The following RNF144A variants were observed in gnomAD, a reference collection of about 807,000 sequenced individuals.
The protein encoded by RNF144A is ring finger protein 144A.
A neutral mutation model predicts 38.7 loss-of-function variants in RNF144A; 11 were observed. That is an observed-to-expected ratio of 0.28 (90% confidence interval 0.18 to 0.47). The LOEUF (loss-of-function observed/expected upper bound fraction) is 0.47, where lower values mean the gene tolerates loss of function less well. Among genes scored for constraint, RNF144A ranks in the 20% least tolerant of loss-of-function variants. The pLI is 0.99. For synonymous variants in RNF144A, 149 were observed against 143.9 expected (o/e 1.04, Z -0.25); for missense variants, 316 against 377.2 (o/e 0.84, Z 1.34).
chr2:7,041,619 G>A lies in RNF144A; in HGVS notation c.*1859G>A. 8 of 985,776 alleles carry A rather than the reference G, an allele frequency of 8.1e-6. No individual in the cohort carries two copies. Among genetic ancestry groups the A allele is most frequent in the Non-Finnish European group, 9.6e-6 (8 of 829,986 alleles). The allele number at this position is 985,776 out of a possible 1,614,324, so 61.1% of individuals were successfully genotyped here. ...GTGGCAACTCCACGCGGGAGTCATT[G>A]GCTGGGCTTGAGCCCTCAGCCTGTG... On this transcript the variant is annotated 3_prime_UTR_variant, in exon 9 of 9. Coordinates refer to ENST00000320892, the MANE Select transcript of RNF144A (RefSeq NM_014746.6).
At chr2:6,977,078 G>T (rs12618219) in intron 2 of RNF144A, among the ~76,000 whole-genome samples, 2 of 152,058 alleles carry the variant, frequency 1.3e-5, no homozygotes, top group African/African-American at 2.4e-5. Context: ...TAAATATTAC[G>T]CATTGCCTCT....
intron 6 of RNF144A, among the ~76,000 whole-genome samples, chr2:7,066,849 G>A (rs1674251994): frequency 6.6e-6 from 1 of 152,170 alleles, no homozygotes; most frequent in African/African-American, 2.4e-5. Context: ...AAATCCCTAA[G>A]TATTTCAGAA....
intron 2 of RNF144A, among the ~76,000 whole-genome samples, chr2:6,953,049 A>G (rs1272262394): frequency 2.0e-5 from 3 of 152,034 alleles, no homozygotes; most frequent in Non-Finnish European, 2.9e-5. Context: ...TTTGGGCTAT[A>G]GTTGCTTTTC....
At chr2:6,940,628 A>T (rs1246547672) in intron 1 of RNF144A, among the ~76,000 whole-genome samples, 1 of 151,852 alleles carries the variant, frequency 6.6e-6, no homozygotes, top group Non-Finnish European at 1.5e-5. Context: ...GTGGACTTGC[A>T]CCTCTCTCTA....
At chr2:7,061,571 T>C (rs183304493) in intron 6 of RNF144A, among the ~76,000 whole-genome samples, 11 of 152,334 alleles carry the variant, frequency 7.2e-5, no homozygotes, top group African/African-American at 2.4e-4. Flanking sequence ...CACACATTTC[T>C]ACGGGCCATG....
At chr2:7,006,833 A>T (rs1670473903) in intron 3 of RNF144A, among the ~76,000 whole-genome samples, 1 of 152,034 alleles carries the variant, frequency 6.6e-6, no homozygotes, top group South Asian at 2.1e-4. Flanking sequence ...CCCTTCCCAA[A>T]ACACAGGTCC....
chr2:7,049,186 G>T (rs565525979), intron 6 of RNF144A, among the ~76,000 whole-genome samples: 114 of 152,324 alleles, frequency 7.5e-4, no homozygotes, highest in Middle Eastern at 3.4e-3. Flanking sequence ...GGCTGTTGGG[G>T]GATGGGCTGG....
At chr2:7,013,585 T>C (rs1195092684) in intron 3 of RNF144A, among the ~76,000 whole-genome samples, 1 of 152,232 alleles carries the variant, frequency 6.6e-6, no homozygotes, top group Non-Finnish European at 1.5e-5. Context: ...CTATGCTCTT[T>C]GAGTTCTTAT....
intron 6 of RNF144A, among the ~76,000 whole-genome samples, chr2:7,053,733 T>C (rs1673617307): frequency 6.6e-6 from 1 of 152,236 alleles, no homozygotes; most frequent in African/African-American, 2.4e-5. Flanking sequence ...ATGGATATGC[T>C]TTGGTTAAGA....
intron 6 of RNF144A, among the ~76,000 whole-genome samples, chr2:7,057,524 C>T (rs961020415): frequency 2.0e-5 from 3 of 152,200 alleles, no homozygotes; most frequent in African/African-American, 7.2e-5. Flanking sequence ...AATGCACTCC[C>T]TTCTCTGATT....
intron 8 of RNF144A, among the ~76,000 whole-genome samples, chr2:7,037,582 C>A (rs1455878743): frequency 6.6e-6 from 1 of 152,234 alleles, no homozygotes; most frequent in African/African-American, 2.4e-5. Context: ...GCCAGCTGGG[C>A]AGCAGGCATG....
At chr2:6,922,626 C>CTT (rs1209204554) in intron 1 of RNF144A, among the ~76,000 whole-genome samples, 5 of 136,936 alleles carry the variant, frequency 3.7e-5, no homozygotes, top group South Asian at 2.4e-4. Context: ...TCTTGTTTTT[C>CTT]TTTTTTTTTT....
intron 3 of RNF144A, among the ~76,000 whole-genome samples, chr2:7,002,707 T>G (rs1294960654): frequency 6.6e-6 from 1 of 152,236 alleles, no homozygotes; most frequent in Admixed American, 6.5e-5. Context: ...AAATGCATTC[T>G]GCCTAGTATT....
chr2:6,961,992 A>G (rs774995419), intron 2 of RNF144A, among the ~76,000 whole-genome samples: 2 of 152,242 alleles, frequency 1.3e-5, no homozygotes, highest in Non-Finnish European at 2.9e-5. Flanking sequence ...GAGAACAAGG[A>G]CACGGACATA....
At chr2:7,038,350 C>T (rs747790385) in intron 8 of RNF144A, among the ~76,000 whole-genome samples, 12 of 152,146 alleles carry the variant, frequency 7.9e-5, no homozygotes, top group East Asian at 1.9e-4. Flanking sequence ...ACTCACATGG[C>T]GGGGGTGTGT....
chr2:6,958,363 C>T lies in RNF144A; in HGVS notation c.-12+17216C>T, dbSNP rs774511393. ...GGCAAGCCTTCCTTGCTTTCCTCCC[C>T]GACACCCAGGTGACCACCCAGTTTG... On this transcript the variant is annotated intron_variant, in intron 2 of 8. Coordinates refer to ENST00000320892, the MANE Select transcript of RNF144A (RefSeq NM_014746.6). The surrounding 1 kb of genome is among the most constrained non-coding windows in gnomAD (Gnocchi z 4.5). 1.2e-4 allele frequency among the ~76,000 whole-genome samples: 19 copies of T among 152,198 alleles called. No homozygotes were observed. The highest frequency in any genetic ancestry group is 4.3e-4 in the African/African-American group (18 of 41,434).
chr2:6,953,017 GTCT>G (rs771080554), intron 2 of RNF144A, among the ~76,000 whole-genome samples: 1 of 151,956 alleles, frequency 6.6e-6, no homozygotes, highest in Non-Finnish European at 1.5e-5. Flanking sequence ...TTTGTTACAG[GTCT>G]TCTTTTGCTC....
intron 8 of RNF144A, 76 bp downstream of exon 8, chr2:7,030,291 G>C (rs1445807038): frequency 1.1e-6 from 1 of 878,416 alleles, no homozygotes; most frequent in East Asian, 2.6e-5. Flanking sequence ...GTGTGTGTGT[G>C]TGTGTGTGTG....
chr2:6,966,719 G>A (rs556403810), intron 2 of RNF144A, among the ~76,000 whole-genome samples: 2 of 152,316 alleles, frequency 1.3e-5, no homozygotes, highest in South Asian at 2.1e-4. Context: ...GTCCTGAAGC[G>A]ACTTCAACTT....
Sources: gnomAD v4.1 joint callset for allele counts (sites outside exome capture counted in the v4.1 genomes callset) on GRCh38, gnomAD v4.1.1 for gene constraint, Gnocchi (gnomAD v3.1) non-coding constraint, MANE v1.5 for transcripts, NCBI Gene and HGNC (gene_info 2026-07-23, HGNC 2026-07-21) for gene names.